The following OSBPL3 variants were observed in gnomAD, a reference collection of about 807,000 sequenced individuals.
OSBPL3 encodes the protein oxysterol-binding protein-related protein 3.
OSBPL3 carries 65 observed loss-of-function variants against 120.1 expected under a neutral mutation model. The observed-to-expected ratio is 0.54, with a 90% CI of 0.44 to 0.67. The LOEUF (loss-of-function observed/expected upper bound fraction) is 0.67, where lower values mean the gene tolerates loss of function less well. OSBPL3 is among the 30% of genes least tolerant of loss of function. The pLI is 0.00. For synonymous variants in OSBPL3, 416 were observed against 402.6 expected, an observed-to-expected ratio of 1.03 and a Z score of -0.40; for missense variants, 1,004 against 1,082.1, an observed-to-expected ratio of 0.93 and a Z score of 1.01.
chr7:24,830,628 C>G lies in OSBPL3; in HGVS notation c.1884+140G>C. 2.3e-6 allele frequency: 2 copies of G among 854,568 alleles called. No individual in the cohort carries two copies. The highest frequency in any genetic ancestry group is 3.6e-6 in the Non-Finnish European group (2 of 561,862). The allele number at this position is 854,568 out of a possible 1,614,324, so 52.9% of individuals were successfully genotyped here. On this transcript the variant is annotated intron_variant, in intron 16 of 22. Transcript: ENST00000313367. The surrounding 1 kb of genome is among the most constrained non-coding windows in gnomAD (Gnocchi z 4.4). Reference sequence around the variant, plus strand: ...GCTTCAGTGGAAGGGAAATCGATCCCTCCCTTTATGTTGAAAAGCACTGTA... The same window carrying G: ...GCTTCAGTGGAAGGGAAATCGATCCGTCCCTTTATGTTGAAAAGCACTGTA...
rs77056323 is a variant in OSBPL3 at position 24,856,135 on chromosome 7, G to T, written c.1028-3501C>A. 1.2e-3 allele frequency among the ~76,000 whole-genome samples: 181 copies of T among 152,290 alleles called. 4 individuals carry two copies. The East Asian group carries it at 0.032, about 27-fold the overall frequency. On this transcript the variant is annotated intron_variant, in intron 10 of 22. Coordinates refer to ENST00000313367, the MANE Select transcript of OSBPL3 (RefSeq NM_015550.4). Reference sequence around the variant, plus strand: ...GGAAGGCAACTGTGGCATCTGCGATGATTCATCTCTTTCCCAAACTGTCAT... The same window carrying T: ...GGAAGGCAACTGTGGCATCTGCGATTATTCATCTCTTTCCCAAACTGTCAT...
chr7:24,954,811 T>C (rs1044884031), intron 1 of OSBPL3, among the ~76,000 whole-genome samples: 61 of 152,202 alleles, frequency 4.0e-4, no homozygotes, highest in African/African-American at 1.4e-3. Context: ...CTAGAAATCA[T>C]AAAGGTGGAA....
At chr7:24,905,014 T>A (rs1355006105) in intron 1 of OSBPL3, among the ~76,000 whole-genome samples, 1 of 149,970 alleles carries the variant, frequency 6.7e-6, no homozygotes, top group African/African-American at 2.5e-5. Flanking sequence ...TAATCAGGAG[T>A]GTTGCACAAC....
intron 2 of OSBPL3, among the ~76,000 whole-genome samples, chr7:24,878,697 G>T (rs1278061382): frequency 6.6e-6 from 1 of 152,172 alleles, no homozygotes; most frequent in Non-Finnish European, 1.5e-5. Context: ...AGCACCAGCA[G>T]GCCTGATAGC....
intron 12 of OSBPL3, among the ~76,000 whole-genome samples, chr7:24,846,445 C>CAA (rs1798458027): frequency 6.6e-6 from 1 of 152,206 alleles, no homozygotes; most frequent in Non-Finnish European, 1.5e-5. Context: ...TATTCAAATG[C>CAA]ATGCCGATAT....
At chr7:24,885,617 ACT>A (rs1482130314) in intron 2 of OSBPL3, among the ~76,000 whole-genome samples, 1 of 152,172 alleles carries the variant, frequency 6.6e-6, no homozygotes, top group African/African-American at 2.4e-5. Flanking sequence ...GACAGGATTT[ACT>A]CTCTATTGCT....
At chr7:24,976,357 C>T (rs1817587047) in intron 1 of OSBPL3, among the ~76,000 whole-genome samples, 1 of 151,950 alleles carries the variant, frequency 6.6e-6, no homozygotes, top group Non-Finnish European at 1.5e-5. Context: ...TTTACCTGAC[C>T]ATGGAAAAAA....
chr7:24,881,502 T>C lies in OSBPL3; in HGVS notation c.97-9433A>G, dbSNP rs920011025. On this transcript the variant is annotated intron_variant, in intron 2 of 22. Coordinates refer to ENST00000313367, the MANE Select transcript of OSBPL3 (RefSeq NM_015550.4). The surrounding 1 kb of genome is among the most constrained non-coding windows in gnomAD (Gnocchi z 4.3). ...TGGATCTCAAAAAGCTAACATACAT[T>C]ACAAATGTTAATAAAAGGGATACCA... Among the ~76,000 whole-genome samples the C allele has an allele frequency of 6.6e-6, 1 of 152,162 alleles. No homozygotes were observed. The highest frequency in any genetic ancestry group is 2.4e-5 in the African/African-American group (1 of 41,442).
intron 1 of OSBPL3, among the ~76,000 whole-genome samples, chr7:24,919,703 C>A (rs1438452495): frequency 6.7e-6 from 1 of 149,332 alleles, no homozygotes; most frequent in African/African-American, 2.5e-5. Flanking sequence ...CTTCAAAGGG[C>A]AATATCAAGA....
Position 24,830,976 on chromosome 7 carries a change from C to G in OSBPL3, c.1747-71G>C. On this transcript the variant is annotated intron_variant, in intron 15 of 22. Coordinates refer to ENST00000313367, the MANE Select transcript of OSBPL3 (RefSeq NM_015550.4). The surrounding 1 kb of genome is among the most constrained non-coding windows in gnomAD (Gnocchi z 4.4). ...GCTTTATTGTTCACAAAGAACTAAA[C>G]AAAATAAAACCTCTATGATTTTCTT... is the stretch of plus-strand genomic sequence containing the variant. 4 of 1,405,790 alleles carry G rather than the reference C, an allele frequency of 2.8e-6. No individual in the cohort carries two copies. Among genetic ancestry groups the G allele is most frequent in the Non-Finnish European group, 3.8e-6 (4 of 1,052,962 alleles). 87.1% of individuals were successfully genotyped at this position (1,405,790 alleles called of 1,614,324 possible). A position where few individuals can be genotyped will look rare whatever the true frequency, so the allele number is the denominator to read the frequency against.
rs746771168 is a variant in OSBPL3, at chr7:24,908,330, G to A, written c.-149-15709C>T. On this transcript the variant is annotated intron_variant, in intron 1 of 22. Transcript: ENST00000313367. ...GTCAAGAGTTTATCAGAAGTTAGCC[G>A]AATGAAACATCCAGTGGGTGATTAT... is the stretch of plus-strand genomic sequence containing the variant. Among the ~76,000 whole-genome samples, 39 of 152,116 alleles carry A rather than the reference G, an allele frequency of 2.6e-4. 2 individuals are homozygous for A. Among genetic ancestry groups the A allele is most frequent in the Non-Finnish European group, 1.0e-4 (7 of 68,004 alleles).
rs1812651370 is a variant in OSBPL3 at position 24,938,245 on chromosome 7, G to T, written c.-150+41641C>A. Among the ~76,000 whole-genome samples, 1 of 152,192 alleles carries T rather than the reference G, an allele frequency of 6.6e-6. No homozygotes were observed. Among genetic ancestry groups the T allele is most frequent in the South Asian group, 2.1e-4 (1 of 4,832 alleles). On this transcript the variant is annotated intron_variant, in intron 1 of 22. Coordinates refer to ENST00000313367, the MANE Select transcript of OSBPL3 (RefSeq NM_015550.4). The surrounding 1 kb of genome is among the most constrained non-coding windows in gnomAD (Gnocchi z 5.8). ...CTTATGAAAGAGAGCCCAGAGAGCT[G>T]TCTTGCCTTCCACCACGTGAGGACA...
At position 24,819,251 on chromosome 7, in the gene OSBPL3, C is replaced by CAAA. The variant is rs143386888; in HGVS notation, c.1948+921_1948+923dup. Among the ~76,000 whole-genome samples, 30 of 109,050 alleles carry CAAA rather than the reference C, an allele frequency of 2.8e-4. No individual in the cohort carries two copies. The highest frequency in any genetic ancestry group is 4.3e-4 in the Admixed American group (4 of 9,376). The allele number at this position is 109,050 out of a possible 152,430, so 71.5% of individuals were successfully genotyped here. ...CTAGCAACAGACTGAGACTCCATTT[C>CAAA]AAAAAAAAAAAAAAAAAATCCAACT... On this transcript the variant is annotated intron_variant, in intron 17 of 22. Transcript: ENST00000313367. The surrounding 1 kb of genome is among the most constrained non-coding windows in gnomAD (Gnocchi z 4.1).
chr7:24,880,344 G>A (rs2128307318), intron 2 of OSBPL3, among the ~76,000 whole-genome samples: 1 of 152,228 alleles, frequency 6.6e-6, no homozygotes, highest in East Asian at 1.9e-4. Context: ...AGATCACCTA[G>A]AAGCAAACTA....
At chr7:24,944,643 TG>T (rs1301165324) in intron 1 of OSBPL3, among the ~76,000 whole-genome samples, 1 of 150,950 alleles carries the variant, frequency 6.6e-6, no homozygotes, top group African/African-American at 2.4e-5. Context: ...AAAAATGCCA[TG>T]GTGATGTTTA....
chr7:24,906,408 G>A (rs1324710167), intron 1 of OSBPL3: 1 of 254,106 alleles, frequency 3.9e-6, no homozygotes, highest in Non-Finnish European at 8.1e-6. Flanking sequence ...GAATGGAGTA[G>A]GAGGAACCTT....
intron 16 of OSBPL3, among the ~76,000 whole-genome samples, chr7:24,828,001 C>T (rs1239458073): frequency 5.9e-5 from 9 of 152,266 alleles, no homozygotes; most frequent in African/African-American, 2.2e-4. Context: ...CTCCTCTCTG[C>T]CTTGTCAACA....
intron 1 of OSBPL3, among the ~76,000 whole-genome samples, chr7:24,928,921 C>T (rs1040602470): frequency 1.3e-5 from 2 of 152,160 alleles, no homozygotes; most frequent in African/African-American, 4.8e-5. Flanking sequence ...AGCTGATGAA[C>T]ATTTGAGTTG....
chr7:24,828,722 C>T (rs1584272678), intron 16 of OSBPL3, among the ~76,000 whole-genome samples: 1 of 148,828 alleles, frequency 6.7e-6, no homozygotes, highest in African/African-American at 2.5e-5. Flanking sequence ...TTAAGCCTTA[C>T]TACAACCTAT....
Sources: allele counts gnomAD v4.1 joint callset (sites outside exome capture counted in the v4.1 genomes callset), GRCh38; gene constraint gnomAD v4.1.1; non-coding constraint Gnocchi (gnomAD v3.1); transcripts MANE v1.5; gene names NCBI Gene and HGNC (gene_info 2026-07-23, HGNC 2026-07-21).